The following LRRC3B variants were observed in gnomAD, a reference collection of about 807,000 sequenced individuals.
LRRC3B encodes the protein leucine rich repeat containing 3B.
LRRC3B carries 2 observed loss-of-function variants against 12.8 expected under a neutral mutation model. The observed-to-expected ratio is 0.16, with a 90% CI of 0.06 to 0.49. The LOEUF (loss-of-function observed/expected upper bound fraction) is 0.49. Among genes scored for constraint, LRRC3B ranks in the 20% least tolerant of loss-of-function variants. The pLI is 0.96. For synonymous variants in LRRC3B, 132 were observed against 122.0 expected (o/e 1.08, Z -0.54); for missense variants, 189 against 319.4 (o/e 0.59, Z 3.11).
intron 1 of LRRC3B, among the ~76,000 whole-genome samples, chr3:26,671,356 A>G (rs9755477): frequency 0.016 from 929 of 56,334 alleles, 69 homozygotes; most frequent in African/African-American, 0.081. Flanking sequence ...GTGTGTATAT[A>G]TATATATATA....
intron 1 of LRRC3B, among the ~76,000 whole-genome samples, chr3:26,698,296 A>C (rs1700369935): frequency 6.6e-6 from 1 of 152,188 alleles, no homozygotes; most frequent in South Asian, 2.1e-4. Flanking sequence ...AGATGAGAAA[A>C]CTAGGATAGA....
At chr3:26,667,302 G>A (rs1176198590) in intron 1 of LRRC3B, among the ~76,000 whole-genome samples, 2 of 152,050 alleles carry the variant, frequency 1.3e-5, no homozygotes, top group Non-Finnish European at 2.9e-5. Flanking sequence ...TCTATATTCT[G>A]TTAAAATGTC....
At chr3:26,640,521 T>A (rs552616874) in intron 1 of LRRC3B, among the ~76,000 whole-genome samples, 102 of 152,004 alleles carry the variant, frequency 6.7e-4, no homozygotes, top group African/African-American at 2.1e-3. Flanking sequence ...AATTTGCTAA[T>A]CCCAGCCTTT....
At chr3:26,695,993 A>G (rs1431775953) in intron 1 of LRRC3B, among the ~76,000 whole-genome samples, 2 of 152,220 alleles carry the variant, frequency 1.3e-5, no homozygotes, top group African/African-American at 2.4e-5. Context: ...AGGTATTCCC[A>G]TTTTGTTATC....
intron 1 of LRRC3B, among the ~76,000 whole-genome samples, chr3:26,662,556 T>TGATA (rs377020603): frequency 9.9e-5 from 15 of 151,984 alleles, no homozygotes; most frequent in Admixed American, 5.2e-4. Flanking sequence ...TCTAAGTCAT[T>TGATA]GATAGATAGA....
At chr3:26,664,758 C>G (rs761996214) in intron 1 of LRRC3B, among the ~76,000 whole-genome samples, 1 of 152,028 alleles carries the variant, frequency 6.6e-6, no homozygotes, top group Non-Finnish European at 1.5e-5. Context: ...TTTGTTCCCA[C>G]AAGGGGTGAG....
intron 1 of LRRC3B, among the ~76,000 whole-genome samples, chr3:26,708,407 A>T (rs559308516): frequency 6.6e-6 from 1 of 152,306 alleles, no homozygotes; most frequent in African/African-American, 2.4e-5. Context: ...ATGAGACTGG[A>T]AGAGAGTGTG....
intron 1 of LRRC3B, among the ~76,000 whole-genome samples, chr3:26,640,878 C>T (rs368634012): frequency 5.9e-5 from 9 of 152,044 alleles, no homozygotes; most frequent in African/African-American, 1.9e-4. Context: ...TGGTGTTCTC[C>T]CAGACAGCTA....
intron 1 of LRRC3B, among the ~76,000 whole-genome samples, chr3:26,667,860 A>G (rs1699639648): frequency 6.6e-6 from 1 of 152,034 alleles, no homozygotes; most frequent in Admixed American, 6.5e-5. Flanking sequence ...AACCCTGAAC[A>G]TATAAATACA....
intron 1 of LRRC3B, among the ~76,000 whole-genome samples, chr3:26,672,593 A>AG (rs1699771137): frequency 6.6e-6 from 1 of 152,218 alleles, no homozygotes; most frequent in Admixed American, 6.5e-5. Flanking sequence ...AGTCAGCCTA[A>AG]GGGTAATAAC....
chr3:26,676,162 C>T (rs184454551), intron 1 of LRRC3B, among the ~76,000 whole-genome samples: 19 of 151,644 alleles, frequency 1.3e-4, no homozygotes, highest in African/African-American at 4.1e-4. Context: ...ATACATGTGC[C>T]ATGTTGGTGT....
chr3:26,635,458 T>C (rs150542832), intron 1 of LRRC3B, among the ~76,000 whole-genome samples: 1 of 152,194 alleles, frequency 6.6e-6, no homozygotes, highest in Non-Finnish European at 1.5e-5. Context: ...GAGATTAGTG[T>C]TCTTACAAGA....
chr3:26,670,393 A>G (rs1249556975), intron 1 of LRRC3B, among the ~76,000 whole-genome samples: 2 of 152,230 alleles, frequency 1.3e-5, no homozygotes, highest in Non-Finnish European at 2.9e-5. Flanking sequence ...AATAGATTAT[A>G]CAGTGAAATG....
chr3:26,641,784 A>C (rs993682514), intron 1 of LRRC3B, among the ~76,000 whole-genome samples: 1 of 151,558 alleles, frequency 6.6e-6, no homozygotes, highest in African/African-American at 2.4e-5. Flanking sequence ...TAAAAAAATC[A>C]AATTTTTAAA....
intron 1 of LRRC3B, among the ~76,000 whole-genome samples, chr3:26,685,521 C>A (rs372040253): frequency 0.015 from 621 of 40,920 alleles, no homozygotes; most frequent in Admixed American, 0.023. Flanking sequence ...CTCTCTCTCT[C>A]TCTATATATA....
At chr3:26,657,911 A>T (rs901768200) in intron 1 of LRRC3B, among the ~76,000 whole-genome samples, 8 of 152,168 alleles carry the variant, frequency 5.3e-5, no homozygotes, top group African/African-American at 1.7e-4. Flanking sequence ...TCAAACTTTG[A>T]TAAGTAAATA....
chr3:26,654,030 T>C (rs1336226715), intron 1 of LRRC3B, among the ~76,000 whole-genome samples: 1 of 152,120 alleles, frequency 6.6e-6, no homozygotes, highest in Non-Finnish European at 1.5e-5. Context: ...GGGGAAACAG[T>C]CCAAAGCCTA....
exon 2 of LRRC3B, chr3:26,710,308 C>A: frequency 6.2e-7 from 1 of 1,614,012 alleles, no homozygotes; most frequent in Non-Finnish European, 8.5e-7. Flanking sequence ...CCATGTTTGG[C>A]TGGTTCACTA....
intron 1 of LRRC3B, among the ~76,000 whole-genome samples, chr3:26,633,273 T>C (rs931455249): frequency 3.3e-5 from 5 of 152,152 alleles, no homozygotes; most frequent in Non-Finnish European, 5.9e-5. Context: ...GGCCATTTAA[T>C]AGCTGAGTGA....
Sources: allele counts gnomAD v4.1 joint callset (sites outside exome capture counted in the v4.1 genomes callset), GRCh38; gene constraint gnomAD v4.1.1; transcripts MANE v1.5; gene names NCBI Gene and HGNC (gene_info 2026-07-23, HGNC 2026-07-21).